MRPS23: variants seen among roughly 807,000 people sequenced by gnomAD.
MRPS23 encodes the protein small ribosomal subunit protein mS23.
Under a neutral mutation model 19.8 loss-of-function variants are expected in MRPS23, and 14 were observed. The observed-to-expected ratio is 0.71, with a 90% confidence interval of 0.47 to 1.11. The LOEUF is 1.11. Among genes scored for constraint, MRPS23 ranks in the 50% least tolerant of loss-of-function variants. The pLI is 0.00. For synonymous variants in MRPS23, 113 were observed against 89.7 expected, an observed-to-expected ratio of 1.26 and a Z score of -1.47; for missense variants, 242 against 236.7, an observed-to-expected ratio of 1.02 and a Z score of -0.15.
chr17:57,839,772 A>AT lies in MRPS23; in HGVS notation c.*10dup, dbSNP rs1354994318. ...GAGTGTGAATGCCAGCATACACAGT[A>AT]TACAGGTCCTTCAGGGAGGCAAGAG... On this transcript the variant is annotated 3_prime_UTR_variant, in exon 5 of 5. Transcript: ENST00000313608. 1 of 1,613,940 alleles carries AT rather than the reference A, an allele frequency of 6.2e-7. No individual in the cohort carries two copies. The highest frequency in any genetic ancestry group is 1.3e-5 in the African/African-American group (1 of 75,052).
chr17:57,846,948 T>TAAAAATA (rs1450893806), intron 2 of MRPS23, among the ~76,000 whole-genome samples: 3 of 149,600 alleles, frequency 2.0e-5, no homozygotes, highest in Non-Finnish European at 3.0e-5. Context: ...AAAAATAAAT[T>TAAAAATA]AAAAATAAAA....
In MRPS23 at chr17:57,838,152, T is replaced by C. The variant is rs1166436012; in HGVS notation, c.*1631A>G. 1 of 150,970 alleles carries C rather than the reference T, an allele frequency of 6.6e-6. No individual in the cohort carries two copies. The highest frequency in any genetic ancestry group is 1.5e-5 in the Non-Finnish European group (1 of 67,750). The allele number at this position is 150,970 out of a possible 1,614,324, so 9.4% of individuals were successfully genotyped here. On this transcript the variant is annotated 3_prime_UTR_variant, in exon 5 of 5. Coordinates refer to ENST00000313608, the MANE Select transcript of MRPS23 (RefSeq NM_016070.4). ...TAAAAATACAAAAATTAGCCGGGCGTCATAGCATACACCTGTAATCCCAGC... is the reference window on the plus strand; with the variant it reads ...TAAAAATACAAAAATTAGCCGGGCGCCATAGCATACACCTGTAATCCCAGC...
rs1264996860 is a variant in MRPS23, at chr17:57,838,329, C to T, written c.*1454G>A. On this transcript the variant is annotated 3_prime_UTR_variant, in exon 5 of 5. Transcript: ENST00000313608. Reference sequence around the variant, plus strand: ...AAAAAAAAAAAAAATTAAAAATCTACAGAGGAGGAAAACAAACAAAAATAG... The same window carrying T: ...AAAAAAAAAAAAAATTAAAAATCTATAGAGGAGGAAAACAAACAAAAATAG... 5 of 81,190 alleles carry T rather than the reference C, an allele frequency of 6.2e-5. No homozygotes were observed. In the East Asian group the frequency reaches 1.4e-3, roughly 22 times the overall value. 5.0% of individuals were successfully genotyped at this position (81,190 alleles called of 1,614,324 possible). A position where few individuals can be genotyped will look rare whatever the true frequency, so the allele number is the denominator to read the frequency against.
chr17:57,845,558 G>A (rs1370935480), intron 2 of MRPS23, among the ~76,000 whole-genome samples: 1 of 152,194 alleles, frequency 6.6e-6, no homozygotes, highest in Admixed American at 6.5e-5. Flanking sequence ...CAGTATTCAA[G>A]GGGAGGGGCT....
Position 57,850,032 on chromosome 17 carries a change from G to A in MRPS23, c.-22C>T, listed in dbSNP as rs1386228490. 3 of 1,585,922 alleles carry A rather than the reference G, an allele frequency of 1.9e-6. No homozygotes were observed. Among genetic ancestry groups the A allele is most frequent in the East Asian group, 2.3e-5 (1 of 43,068 alleles). On this transcript the variant is annotated 5_prime_UTR_variant, in exon 1 of 5. It adds an upstream start codon to the 5' untranslated region. Coordinates refer to ENST00000313608, the MANE Select transcript of MRPS23 (RefSeq NM_016070.4). ...CCATGATCTGCGCCTGGTACCGAGC[G>A]TGACTAGCTGCTACCGGAACCGGAA...
chr17:57,840,882 G>A, intron 4 of MRPS23, 44 bp downstream of exon 4: 1 of 1,607,108 alleles, frequency 6.2e-7, no homozygotes. Context: ...CATACTGAGG[G>A]ACAACTATAA....
Position 57,849,383 on chromosome 17 carries a change from C to T in MRPS23, c.72G>A (p.Val24=). 1.2e-6 allele frequency: 2 copies of T among 1,614,054 alleles called. No individual in the cohort carries two copies. Among genetic ancestry groups the T allele is most frequent in the Non-Finnish European group, 1.7e-6 (2 of 1,180,018 alleles). The change falls in exon 2 of 5, where the codon GTG becomes GTA. Residue 24 remains valine, a synonymous_variant. Coordinates refer to ENST00000313608, the MANE Select transcript of MRPS23 (RefSeq NM_016070.4). ...CAAACCACAGGGGCTTCTCCTTCAG[C>T]ACCCCGGCCCGAACCAGGTCCCGAG... ...SRTRDLVRAG[V]LKEKPLWFDV...
chr17:57,842,677 T>C (rs2073746202), intron 2 of MRPS23, among the ~76,000 whole-genome samples: 1 of 151,958 alleles, frequency 6.6e-6, no homozygotes. Flanking sequence ...CTGTACCAAT[T>C]TACATTCACA....
intron 2 of MRPS23, 31 bp downstream of exon 2, chr17:57,849,209 C>T (rs781022841): frequency 6.3e-7 from 1 of 1,596,726 alleles, no homozygotes; most frequent in East Asian, 2.2e-5. Flanking sequence ...AGTTCTGTTG[C>T]CTCCTGTCCA....
chr17:57,835,908 G>A lies in MRPS23; in HGVS notation c.*3875C>T, dbSNP rs2073701124. Reference sequence around the variant, plus strand: ...GTCTGCTCCTGAAAGGCTGTTTAATGTTTCAATGGGTTAAAAGAATAAGAA... The same window carrying A: ...GTCTGCTCCTGAAAGGCTGTTTAATATTTCAATGGGTTAAAAGAATAAGAA... On this transcript the variant is annotated 3_prime_UTR_variant, in exon 5 of 5. Transcript: ENST00000313608. The A allele has an allele frequency of 6.7e-6, 1 of 149,174 alleles. No individual in the cohort carries two copies. The highest frequency in any genetic ancestry group is 6.7e-5 in the Admixed American group (1 of 14,934). 9.2% of individuals were successfully genotyped at this position (149,174 alleles called of 1,614,324 possible).
chr17:57,849,872 G>A, intron 1 of MRPS23, 95 bp downstream of exon 1: 1 of 1,432,544 alleles, frequency 7.0e-7, no homozygotes, highest in South Asian at 1.2e-5. Context: ...AATACGCCTC[G>A]CCCTGCTCAG....
intron 1 of MRPS23, 180 bp downstream of exon 1, chr17:57,849,787 C>G: frequency 1.4e-6 from 1 of 709,804 alleles, no homozygotes; most frequent in Non-Finnish European, 2.3e-6. Context: ...CAAGGAGAGG[C>G]ATCCTCAGGC....
rs765176054 is a variant in MRPS23, at chr17:57,850,013, T to C, written c.-3A>G. 2 of 1,592,858 alleles carry C rather than the reference T, an allele frequency of 1.3e-6. No homozygotes were observed. The highest frequency in any genetic ancestry group is 2.3e-5 in the East Asian group (1 of 43,602). ...GTTTCCAGCCGGCTGCCTGCCATGA[T>C]CTGCGCCTGGTACCGAGCGTGACTA... On this transcript the variant is annotated 5_prime_UTR_variant, in exon 1 of 5. Transcript: ENST00000313608.
At chr17:57,841,290 C>T in intron 2 of MRPS23, 30 bp from the exon 3 acceptor site, 2 of 1,592,022 alleles carry the variant, frequency 1.3e-6, no homozygotes, top group Non-Finnish European at 1.7e-6. Flanking sequence ...TAATATAAAT[C>T]TCCGATTATA....
chr17:57,849,424 C>A lies in MRPS23; in HGVS notation c.45-14G>T. 6.2e-7 allele frequency: 1 copy of A among 1,611,922 alleles called. No homozygotes were observed. Among genetic ancestry groups the A allele is most frequent in the Non-Finnish European group, 8.5e-7 (1 of 1,179,180 alleles). ...AGGTCCCGAGTCCTTAGGGAGGGAA[C>A]AGAACGAAACTGGGTCACTTGCAGT... On this transcript the variant is annotated splice_polypyrimidine_tract_variant and intron_variant, in intron 1 of 4. Coordinates refer to ENST00000313608, the MANE Select transcript of MRPS23 (RefSeq NM_016070.4).
chr17:57,846,549 A>C (rs2073777091), intron 2 of MRPS23, among the ~76,000 whole-genome samples: 1 of 151,902 alleles, frequency 6.6e-6, no homozygotes, highest in Non-Finnish European at 1.5e-5. Flanking sequence ...GACATGGGAG[A>C]CTCCATTTTG....
chr17:57,843,516 G>C (rs1328876233), intron 2 of MRPS23, among the ~76,000 whole-genome samples: 1 of 152,200 alleles, frequency 6.6e-6, no homozygotes, highest in Non-Finnish European at 1.5e-5. Context: ...AAATTACTAT[G>C]TTGAAATCCT....
At chr17:57,844,268 T>C (rs986902526) in intron 2 of MRPS23, among the ~76,000 whole-genome samples, 1 of 151,450 alleles carries the variant, frequency 6.6e-6, no homozygotes, top group Non-Finnish European at 1.5e-5. Context: ...GCCTCCCAAG[T>C]AGCTGGAACT....
rs1597954631 is a variant in MRPS23, at chr17:57,848,200, GCA to G, written c.215+1038_215+1039del. On this transcript the variant is annotated intron_variant, in intron 2 of 4. Coordinates refer to ENST00000313608, the MANE Select transcript of MRPS23 (RefSeq NM_016070.4). ...GCCTCCCAAAGCACTAGGATTACAG[GCA>G]CAAGCCACCACATCCAGCCTGTGAT... 2.6e-5 allele frequency among the ~76,000 whole-genome samples: 4 copies of G among 152,030 alleles called. No individual in the cohort carries two copies. In the East Asian group the frequency reaches 7.8e-4, roughly 29 times the overall value.
Sources: allele counts gnomAD v4.1 joint callset (sites outside exome capture counted in the v4.1 genomes callset), GRCh38; gene constraint gnomAD v4.1.1; transcripts MANE v1.5; gene names NCBI Gene and HGNC (gene_info 2026-07-23, HGNC 2026-07-21).